The following DEPDC4 variants were observed in gnomAD, a reference collection of about 807,000 sequenced individuals.
DEPDC4 encodes DEP domain-containing protein 4.
In DEPDC4, 52 loss-of-function variants were observed where a neutral mutation model predicts 52.0. The ratio of observed to expected loss-of-function variants is 1.00; its 90% CI spans 0.80 to 1.26. DEPDC4 has a LOEUF of 1.26. Among genes scored for constraint, DEPDC4 ranks in the 50% most tolerant of loss-of-function variants. The pLI is 0.00. For synonymous variants in DEPDC4, 201 were observed against 196.8 expected, an observed-to-expected ratio of 1.02 and a Z score of -0.18; for missense variants, 530 against 546.9, an observed-to-expected ratio of 0.97 and a Z score of 0.31.
In DEPDC4 at chr12:100,241,562, T is replaced by G. The variant is rs947816500; in HGVS notation, c.*330A>C. 1.4e-6 allele frequency: 1 copy of G among 704,872 alleles called. No individual in the cohort carries two copies. Among genetic ancestry groups the G allele is most frequent in the Non-Finnish European group, 1.9e-6 (1 of 539,094 alleles). 43.7% of individuals were successfully genotyped at this position (704,872 alleles called of 1,614,324 possible). A position where few individuals can be genotyped will look rare whatever the true frequency, so the allele number is the denominator to read the frequency against. Reference sequence around the variant, plus strand: ...AAATAAAAATAAAAAATAAAACACTTAAAATCCTTTGAGATTATGCTTTCT... The same window carrying G: ...AAATAAAAATAAAAAATAAAACACTGAAAATCCTTTGAGATTATGCTTTCT... On this transcript the variant is annotated 3_prime_UTR_variant, in exon 10 of 10. Coordinates refer to ENST00000550587, the MANE Select transcript of DEPDC4 (RefSeq NM_001364818.2).
intron 3 of DEPDC4, among the ~76,000 whole-genome samples, chr12:100,256,990 G>T (rs1359744807): frequency 1.3e-5 from 2 of 151,906 alleles, no homozygotes; most frequent in African/African-American, 4.8e-5. Context: ...TTTTGTCTTG[G>T]ATTTCCAGTC....
rs2096218360 is a variant in DEPDC4 at position 100,253,619 on chromosome 12, A to G, written c.975T>C (p.Asn325=). The G allele has an allele frequency of 3.1e-6, 4 of 1,289,432 alleles. No individual in the cohort carries two copies. Among genetic ancestry groups the G allele is most frequent in the African/African-American group, 3.0e-5 (2 of 65,844 alleles). 79.9% of individuals were successfully genotyped at this position (1,289,432 alleles called of 1,614,324 possible). A position where few individuals can be genotyped will look rare whatever the true frequency, so the allele number is the denominator to read the frequency against. The change falls in exon 5 of 10, where the codon AAT becomes AAC. Residue 325 remains asparagine, a synonymous_variant. Coordinates refer to ENST00000550587, the MANE Select transcript of DEPDC4 (RefSeq NM_001364818.2). ...TCTGACTGTTCAATCTTGTCTCTTC[A>G]TTTCTGTTTTGCATTAACTGCTGAC... ...TVSQQLMQNR[N]EETRLNSQKK...
At chr12:100,232,996 TATC>T (rs2096136814) in intron 9 of DEPDC4, among the ~76,000 whole-genome samples, 1 of 152,166 alleles carries the variant, frequency 6.6e-6, no homozygotes, top group Non-Finnish European at 1.5e-5. Flanking sequence ...TGTATGTACA[TATC>T]ATTTAATCCT....
intron 5 of DEPDC4, among the ~76,000 whole-genome samples, chr12:100,252,764 G>GT (rs1214461496): frequency 1.3e-5 from 2 of 152,078 alleles, no homozygotes; most frequent in Non-Finnish European, 2.9e-5. Flanking sequence ...ACAGTATTTT[G>GT]TTTTTAACAT....
At chr12:100,247,231 CAG>C (rs751261033) in intron 8 of DEPDC4, among the ~76,000 whole-genome samples, 15 of 92,384 alleles carry the variant, frequency 1.6e-4, no homozygotes, top group Non-Finnish European at 1.2e-4. Context: ...TTTTTTGAGA[CAG>C]AGTCGTGCTC....
intron 3 of DEPDC4, among the ~76,000 whole-genome samples, chr12:100,259,255 A>G (rs1200035377): frequency 2.6e-5 from 4 of 152,076 alleles, no homozygotes; most frequent in Non-Finnish European, 5.9e-5. Flanking sequence ...GATGACAACC[A>G]TGCACCAAGT....
rs560561354 is a variant in DEPDC4 at position 100,256,591 on chromosome 12, G to C, written c.701-365C>G. Among the ~76,000 whole-genome samples the C allele has an allele frequency of 3.3e-5, 5 of 151,346 alleles. No homozygotes were observed. The South Asian group carries it at 1.0e-3, about 31-fold the overall frequency. On this transcript the variant is annotated intron_variant, in intron 3 of 9. Coordinates refer to ENST00000550587, the MANE Select transcript of DEPDC4 (RefSeq NM_001364818.2). ...CTAATTATTTATCTTTCTATTTATA[G>C]CAACATAGATAATTGTAGTTCATTG...
chr12:100,259,505 T>C (rs2096246486), intron 3 of DEPDC4, among the ~76,000 whole-genome samples: 1 of 152,198 alleles, frequency 6.6e-6, no homozygotes, highest in South Asian at 2.1e-4. Context: ...GAATAATATA[T>C]ATTTTCAGTT....
chr12:100,266,627 G>A (rs974864602), intron 1 of DEPDC4, among the ~76,000 whole-genome samples: 1 of 152,188 alleles, frequency 6.6e-6, no homozygotes, highest in African/African-American at 2.4e-5. Context: ...CAGATTATCA[G>A]ACCCTACTCC....
At chr12:100,277,352 C>A in the DEPDC4 span, among the ~76,000 whole-genome samples, 1 of 152,320 alleles carries the variant, frequency 6.6e-6, no homozygotes, top group East Asian at 1.9e-4. Context: ...TAAGTGAGAA[C>A]TCTTGAAGTC....
intron 7 of DEPDC4, among the ~76,000 whole-genome samples, chr12:100,251,654 G>A (rs2096208529): frequency 1.3e-5 from 2 of 151,326 alleles, no homozygotes; most frequent in African/African-American, 4.9e-5. Context: ...TGCAACCTCC[G>A]CCTCCCAGGT....
At chr12:100,281,031 T>TG in the DEPDC4 span, among the ~76,000 whole-genome samples, 7 of 133,740 alleles carry the variant, frequency 5.2e-5, no homozygotes, top group East Asian at 2.2e-4. Flanking sequence ...TTTTTTTTTT[T>TG]TTTTTTTTTT....
At chr12:100,277,479 G>T in the DEPDC4 span, among the ~76,000 whole-genome samples, 1 of 151,986 alleles carries the variant, frequency 6.6e-6, no homozygotes, top group Non-Finnish European at 1.5e-5. Flanking sequence ...ATGTCTTTTT[G>T]GTGAATTGAC....
chr12:100,237,519 T>C (rs1222822134), downstream of DEPDC4, among the ~76,000 whole-genome samples: 1 of 152,186 alleles, frequency 6.6e-6, no homozygotes, highest in Non-Finnish European at 1.5e-5. Flanking sequence ...AGGATTTTTA[T>C]TTTTTCTAGT....
intron 3 of DEPDC4, among the ~76,000 whole-genome samples, chr12:100,256,636 GTGTTTTT>G (rs200613057): frequency 0.061 from 9,089 of 148,574 alleles, 272 homozygotes; most frequent in Middle Eastern, 0.15. Context: ...TGTTTGTTTT[GTGTTTTT>G]TGTTTTTTTT....
Position 100,241,847 on chromosome 12 carries a change from T to TA in DEPDC4, c.*47-3_*47-2insT. On this transcript the variant is annotated splice_polypyrimidine_tract_variant and splice_region_variant and intron_variant, in intron 9 of 9. Coordinates refer to ENST00000550587, the MANE Select transcript of DEPDC4 (RefSeq NM_001364818.2). ...TCAAGGGTTGGCAAAACGTAAAGCC[T>TA]GGAAAAAAAAAAAAAAAACAAAAGA... is the stretch of plus-strand genomic sequence containing the variant. 9.4e-7 allele frequency: 1 copy of TA among 1,065,290 alleles called. No individual in the cohort carries two copies. The highest frequency in any genetic ancestry group is 2.1e-5 in the South Asian group (1 of 48,666). The allele number at this position is 1,065,290 out of a possible 1,614,324, so 66.0% of individuals were successfully genotyped here. A position where few individuals can be genotyped will look rare whatever the true frequency, so the allele number is the denominator to read the frequency against.
At chr12:100,280,862 G>C in the DEPDC4 span, among the ~76,000 whole-genome samples, 1 of 151,936 alleles carries the variant, frequency 6.6e-6, no homozygotes, top group African/African-American at 2.4e-5. Context: ...TATTCAACCT[G>C]TAACAACTAC....
At chr12:100,250,085 T>C (rs1156694197) in intron 7 of DEPDC4, among the ~76,000 whole-genome samples, 4 of 152,146 alleles carry the variant, frequency 2.6e-5, no homozygotes, top group South Asian at 2.1e-4. Flanking sequence ...CCCTGAAATG[T>C]ATCAGCCTCT....
chr12:100,233,633 T>G (rs971491423), intron 9 of DEPDC4, among the ~76,000 whole-genome samples: 32 of 152,216 alleles, frequency 2.1e-4, no homozygotes, highest in African/African-American at 7.2e-4. Flanking sequence ...ATGAATGAAT[T>G]ATTAGGTAGC....
Sources: allele counts gnomAD v4.1 joint callset (sites outside exome capture counted in the v4.1 genomes callset), GRCh38; gene constraint gnomAD v4.1.1; transcripts MANE v1.5; gene names NCBI Gene and HGNC (gene_info 2026-07-23, HGNC 2026-07-21).